AUTS2: variants seen among roughly 807,000 people sequenced by gnomAD.
AUTS2 encodes the protein autism susceptibility gene 2 protein.
AUTS2 carries 17 observed loss-of-function variants against 112.4 expected under a neutral mutation model. That is an observed-to-expected ratio of 0.15 (90% confidence interval 0.10 to 0.23). AUTS2 has a LOEUF of 0.23. Ranked by LOEUF, AUTS2 falls within the 10% of genes least tolerant of loss-of-function variation. AUTS2 has a pLI of 1.00. For missense variants in AUTS2, 1,510 were observed against 1,701.6 expected, an observed-to-expected ratio of 0.89 and a Z score of 1.98; for synonymous variants, 751 against 702.7, an observed-to-expected ratio of 1.07 and a Z score of -1.09.
intron 6 of AUTS2, among the ~76,000 whole-genome samples, chr7:70,709,201 G>A (rs1051648882): frequency 6.6e-6 from 1 of 151,980 alleles, no homozygotes; most frequent in African/African-American, 2.4e-5. Flanking sequence ...ACAGGCGTGA[G>A]CCACCGTACC....
chr7:69,885,570 C>T (rs897337986), intron 1 of AUTS2, among the ~76,000 whole-genome samples: 2 of 152,188 alleles, frequency 1.3e-5, no homozygotes, highest in Admixed American at 6.5e-5. Context: ...AGACCCTAAT[C>T]TTGGCACTTA....
chr7:69,601,710 C>T (rs953883135), intron 1 of AUTS2, among the ~76,000 whole-genome samples: 2 of 152,106 alleles, frequency 1.3e-5, no homozygotes, highest in African/African-American at 4.8e-5. Flanking sequence ...AGGTTCACCA[C>T]TTATTAGAAT....
chr7:70,380,392 G>T (rs1198609550), intron 4 of AUTS2, among the ~76,000 whole-genome samples: 1 of 152,132 alleles, frequency 6.6e-6, no homozygotes, highest in Non-Finnish European at 1.5e-5. Context: ...ATTTCATTTT[G>T]GTAGAAATTG....
At chr7:70,705,406 G>A (rs1325397322) in intron 6 of AUTS2, among the ~76,000 whole-genome samples, 1 of 152,162 alleles carries the variant, frequency 6.6e-6, no homozygotes, top group Non-Finnish European at 1.5e-5. Context: ...AACCTCTGGT[G>A]GAACGAGTGC....
intron 2 of AUTS2, among the ~76,000 whole-genome samples, chr7:69,903,456 G>A (rs1795044306): frequency 6.6e-6 from 1 of 152,154 alleles, no homozygotes; most frequent in African/African-American, 2.4e-5. Flanking sequence ...AAAAGTTGAT[G>A]AGCATTCAGA....
chr7:70,480,077 G>A (rs1210452634), intron 5 of AUTS2, among the ~76,000 whole-genome samples: 3 of 152,208 alleles, frequency 2.0e-5, no homozygotes, highest in Non-Finnish European at 1.5e-5. Context: ...ATTGCTTGCA[G>A]GCAAGAAACA....
At chr7:70,582,699 T>C (rs1802508181) in intron 5 of AUTS2, among the ~76,000 whole-genome samples, 1 of 152,344 alleles carries the variant, frequency 6.6e-6, no homozygotes, top group African/African-American at 2.4e-5. Flanking sequence ...TCGTTCTTAG[T>C]AGCTTTTAGA....
rs114841753 is a variant in AUTS2, at chr7:69,805,628, T to G, written c.310-93658T>G. Among the ~76,000 whole-genome samples, 454 of 152,260 alleles carry G rather than the reference T, an allele frequency of 3.0e-3. 5 individuals carry two copies. The highest frequency in any genetic ancestry group is 0.011 in the African/African-American group (440 of 41,550). ...CTTATGGAATATTTTTGCAAATCTGTGTACAGAAGGAACCAAGCAACGCAG... is the reference window on the plus strand; with the variant it reads ...CTTATGGAATATTTTTGCAAATCTGGGTACAGAAGGAACCAAGCAACGCAG... On this transcript the variant is annotated intron_variant, in intron 1 of 18. Transcript: ENST00000342771.
rs573547194 is a variant in AUTS2, at chr7:70,581,861, A to G, written c.691-116708A>G. 1.7e-3 allele frequency among the ~76,000 whole-genome samples: 265 copies of G among 152,248 alleles called. 1 individual carries two copies. The highest frequency in any genetic ancestry group is 0.01 in the Middle Eastern group (3 of 294). On this transcript the variant is annotated intron_variant, in intron 5 of 18. Coordinates refer to ENST00000342771, the MANE Select transcript of AUTS2 (RefSeq NM_015570.4). ...AATTCCTTTACATTTTGTATTGTTCACACAGTAAAAATGTCTATTTTACCA... is the reference window on the plus strand; with the variant it reads ...AATTCCTTTACATTTTGTATTGTTCGCACAGTAAAAATGTCTATTTTACCA...
chr7:70,594,303 G>A (rs535670561), intron 5 of AUTS2, among the ~76,000 whole-genome samples: 110 of 152,144 alleles, frequency 7.2e-4, no homozygotes, highest in Non-Finnish European at 1.5e-3. Flanking sequence ...ATCCCCTGGG[G>A]TTGGGGGGCA....
At chr7:70,480,479 C>T (rs137995006) in intron 5 of AUTS2, among the ~76,000 whole-genome samples, 6 of 152,330 alleles carry the variant, frequency 3.9e-5, no homozygotes, top group Admixed American at 2.0e-4. Flanking sequence ...CTCATTCATT[C>T]CCATTTCCCT....
At chr7:69,801,595 T>C (rs1398428967) in intron 1 of AUTS2, among the ~76,000 whole-genome samples, 2 of 152,014 alleles carry the variant, frequency 1.3e-5, no homozygotes, top group African/African-American at 4.8e-5. Context: ...TTACTCTCCA[T>C]TGAAGTGTTT....
intron 4 of AUTS2, among the ~76,000 whole-genome samples, chr7:70,375,359 C>A (rs530292891): frequency 2.0e-5 from 3 of 152,274 alleles, no homozygotes; most frequent in African/African-American, 7.2e-5. Flanking sequence ...TTGCCAGTAA[C>A]CACATTAAAA....
intron 2 of AUTS2, among the ~76,000 whole-genome samples, chr7:70,054,313 A>G (rs902394121): frequency 1.3e-5 from 2 of 151,940 alleles, no homozygotes; most frequent in Admixed American, 1.3e-4. Flanking sequence ...GTCCCCTTCT[A>G]TCTTCTCTTT....
intron 4 of AUTS2, among the ~76,000 whole-genome samples, chr7:70,245,077 A>C (rs1314144755): frequency 6.8e-6 from 1 of 146,804 alleles, no homozygotes; most frequent in East Asian, 2.0e-4. Flanking sequence ...CCAAGGTTGC[A>C]CCACTGCACT....
At chr7:70,350,850 T>C (rs1404765230) in intron 4 of AUTS2, among the ~76,000 whole-genome samples, 1 of 152,204 alleles carries the variant, frequency 6.6e-6, no homozygotes, top group African/African-American at 2.4e-5. Flanking sequence ...GTTTCTGCTC[T>C]TTGACCTATA....
chr7:69,645,716 T>C (rs930453375), intron 1 of AUTS2, among the ~76,000 whole-genome samples: 15 of 152,002 alleles, frequency 9.9e-5, no homozygotes, highest in African/African-American at 3.6e-4. Context: ...TTAAGGTGGT[T>C]TCTGTGGGGT....
intron 1 of AUTS2, among the ~76,000 whole-genome samples, chr7:69,894,469 T>C (rs558773084): frequency 8.0e-4 from 121 of 151,984 alleles, no homozygotes; most frequent in Admixed American, 2.4e-3. Flanking sequence ...CACAGGAAAG[T>C]GAAGACCCAA....
chr7:70,002,005 C>T (rs1282113158), intron 2 of AUTS2, among the ~76,000 whole-genome samples: 1 of 152,152 alleles, frequency 6.6e-6, no homozygotes, highest in African/African-American at 2.4e-5. Flanking sequence ...GCCACCACAC[C>T]CGGCCTTCAT....
Sources: allele counts gnomAD v4.1 joint callset (sites outside exome capture counted in the v4.1 genomes callset), GRCh38; gene constraint gnomAD v4.1.1; transcripts MANE v1.5; gene names NCBI Gene and HGNC (gene_info 2026-07-23, HGNC 2026-07-21).